The following ASB4 variants were observed in gnomAD, a reference collection of about 807,000 sequenced individuals.
The protein encoded by ASB4 is ankyrin repeat and SOCS box containing 4.
ASB4 carries 35 observed loss-of-function variants against 38.6 expected under a neutral mutation model. That is an observed-to-expected ratio of 0.91 (90% CI 0.69 to 1.20). The LOEUF (loss-of-function observed/expected upper bound fraction) is 1.20, where lower values mean the gene tolerates loss of function less well. Ranked by LOEUF, ASB4 falls within the 50% of genes most tolerant of loss-of-function variation. The pLI, the probability that ASB4 is intolerant of heterozygous loss-of-function variation, is 0.00. For synonymous variants in ASB4, 195 were observed against 201.3 expected, an observed-to-expected ratio of 0.97 and a Z score of 0.26; for missense variants, 557 against 527.2, an observed-to-expected ratio of 1.06 and a Z score of -0.55.
the ASB4 span, among the ~76,000 whole-genome samples, chr7:95,551,227 C>A: frequency 1.3e-5 from 2 of 152,176 alleles, no homozygotes; most frequent in Non-Finnish European, 2.9e-5. Context: ...GACATCCACT[C>A]GGCTTGGCCT....
chr7:95,549,300 C>CTTTTTTTTTTTTTT, the ASB4 span, among the ~76,000 whole-genome samples: 19 of 83,078 alleles, frequency 2.3e-4, no homozygotes, highest in Admixed American at 4.2e-4. Context: ...TAGGAGACTC[C>CTTTTTTTTTTTTTT]ATTTTTTTTT....
At chr7:95,546,109 A>G in the ASB4 span, among the ~76,000 whole-genome samples, 1 of 152,230 alleles carries the variant, frequency 6.6e-6, no homozygotes. Context: ...ACTAGGAGCA[A>G]TAATTGTTTA....
chr7:95,526,761 T>C (rs1015095199), intron 2 of ASB4, among the ~76,000 whole-genome samples: 1 of 152,062 alleles, frequency 6.6e-6, no homozygotes, highest in African/African-American at 2.4e-5. Context: ...ATAATAACAA[T>C]AATAATAATA....
At chr7:95,517,779 A>G (rs1790604747) in intron 2 of ASB4, among the ~76,000 whole-genome samples, 1 of 152,058 alleles carries the variant, frequency 6.6e-6, no homozygotes, top group Non-Finnish European at 1.5e-5. Context: ...TGAGGAGTGT[A>G]TCGGTGGTGA....
At chr7:95,478,252 C>T (rs1789995064), upstream of ASB4, among the ~76,000 whole-genome samples, 1 of 152,040 alleles carries the variant, frequency 6.6e-6, no homozygotes, top group Non-Finnish European at 1.5e-5. Context: ...ATTATTCCCT[C>T]GAGTTGATGT....
chr7:95,508,718 G>C (rs1177635289), intron 2 of ASB4, among the ~76,000 whole-genome samples: 1 of 152,118 alleles, frequency 6.6e-6, no homozygotes, highest in Admixed American at 6.5e-5. Context: ...ATGCTATGAA[G>C]AGATGAAGGG....
intron 1 of ASB4, among the ~76,000 whole-genome samples, chr7:95,495,551 T>C (rs1790232454): frequency 1.3e-5 from 2 of 152,192 alleles, no homozygotes; most frequent in African/African-American, 4.8e-5. Context: ...TGAGAAAGCC[T>C]GTTCCCCTGA....
chr7:95,481,506 G>A (rs73437888), upstream of ASB4, among the ~76,000 whole-genome samples: 3 of 152,124 alleles, frequency 2.0e-5, no homozygotes, highest in Non-Finnish European at 2.9e-5. Context: ...GAGAAAGTCA[G>A]GAGGCCCAAG....
chr7:95,512,954 A>G (rs1790503159), intron 2 of ASB4, among the ~76,000 whole-genome samples: 1 of 152,226 alleles, frequency 6.6e-6, no homozygotes, highest in Non-Finnish European at 1.5e-5. Context: ...TGATTAAATT[A>G]AGAACTTTGA....
intron 2 of ASB4, 150 bp from the exon 3 acceptor site, chr7:95,527,663 G>C (rs543930843): frequency 5.1e-6 from 4 of 777,306 alleles, no homozygotes; most frequent in Admixed American, 5.9e-5. Flanking sequence ...CCCAGGAAGA[G>C]AGCCTGGGGG....
At chr7:95,526,229 G>T (rs911978559) in intron 2 of ASB4, among the ~76,000 whole-genome samples, 2 of 152,212 alleles carry the variant, frequency 1.3e-5, no homozygotes, top group African/African-American at 2.4e-5. Context: ...CCCAGTGGGA[G>T]AGAGCCCCAG....
chr7:95,550,451 G>C, the ASB4 span, among the ~76,000 whole-genome samples: 1 of 152,122 alleles, frequency 6.6e-6, no homozygotes, highest in Non-Finnish European at 1.5e-5. Context: ...TCTCGGAAGG[G>C]GACACTGTGT....
In ASB4 at chr7:95,536,465, A is replaced by G. The variant is rs532518904; in HGVS notation, c.1007A>G (p.Lys336Arg). 5 of 1,613,104 alleles carry G rather than the reference A, an allele frequency of 3.1e-6. No individual in the cohort carries two copies. The highest frequency in any genetic ancestry group is 4.2e-6 in the Non-Finnish European group (5 of 1,179,306). Residue 336 changes from lysine (K) to arginine (R), a missense_variant, in exon 4 of 5, where the codon AAA (lysine) becomes AGA (arginine). By Grantham distance (26) the Lys-to-Arg change is conservative. Coordinates refer to ENST00000325885, the MANE Select transcript of ASB4 (RefSeq NM_016116.3). The part of the protein sequence containing the change: ...KVIQACHSCP[K>R]AIEVVVNAYE... ...ATACAGGCCTGCCATTCTTGTCCTA[A>G]AGCAATTGAAGTTGTAGTCAATGCC...
intron 3 of ASB4, among the ~76,000 whole-genome samples, chr7:95,535,353 C>A (rs1790875900): frequency 1.3e-5 from 2 of 152,194 alleles, no homozygotes; most frequent in African/African-American, 4.8e-5. Flanking sequence ...CAGAGGCATG[C>A]CTCTCTTCTA....
At chr7:95,511,411 A>C (rs1223623272) in intron 2 of ASB4, among the ~76,000 whole-genome samples, 1 of 152,118 alleles carries the variant, frequency 6.6e-6, no homozygotes, top group Non-Finnish European at 1.5e-5. Context: ...ACACCAACCA[A>C]AGACCTGGGT....
chr7:95,529,828 A>G (rs1236789703), intron 3 of ASB4, among the ~76,000 whole-genome samples: 5 of 152,166 alleles, frequency 3.3e-5, no homozygotes, highest in Non-Finnish European at 5.9e-5. Flanking sequence ...GGGCACTGGC[A>G]TTACTCACAT....
the ASB4 span, among the ~76,000 whole-genome samples, chr7:95,547,825 A>C: frequency 6.6e-6 from 1 of 152,156 alleles, no homozygotes. Context: ...TTCTGCCTCC[A>C]GATTGTCTTC....
chr7:95,549,465 T>A, the ASB4 span, among the ~76,000 whole-genome samples: 1 of 151,624 alleles, frequency 6.6e-6, no homozygotes, highest in East Asian at 1.9e-4. Context: ...CCCGGCTAAT[T>A]TTTTTGTATT....
At chr7:95,520,357 T>G (rs1790643787) in intron 2 of ASB4, among the ~76,000 whole-genome samples, 1 of 152,218 alleles carries the variant, frequency 6.6e-6, no homozygotes, top group African/African-American at 2.4e-5. Flanking sequence ...ATTAACACTC[T>G]GTCTACAAAC....
Sources: allele counts gnomAD v4.1 joint callset (sites outside exome capture counted in the v4.1 genomes callset), GRCh38; gene constraint gnomAD v4.1.1; transcripts MANE v1.5; gene names NCBI Gene and HGNC (gene_info 2026-07-23, HGNC 2026-07-21).